The following PHACTR3 variants were observed in gnomAD, a reference collection of about 807,000 sequenced individuals.
PHACTR3 encodes phosphatase and actin regulator 3.
PHACTR3 carries 16 observed loss-of-function variants against 66.8 expected under a neutral mutation model. That is an observed-to-expected ratio of 0.24 (90% CI 0.16 to 0.36). The LOEUF is 0.36. Ranked by LOEUF, PHACTR3 falls within the 10% of genes least tolerant of loss-of-function variation. The probability of loss-of-function intolerance (pLI) is 1.00; values close to 1 mark genes in which losing one functional copy is unlikely to be tolerated. For missense variants in PHACTR3, 647 were observed against 719.9 expected, an observed-to-expected ratio of 0.90 and a Z score of 1.16; for synonymous variants, 323 against 292.1, an observed-to-expected ratio of 1.11 and a Z score of -1.08.
chr20:59,581,397 G>A (rs541259443), intron 1 of PHACTR3, among the ~76,000 whole-genome samples: 1 of 152,312 alleles, frequency 6.6e-6, no homozygotes, highest in African/African-American at 2.4e-5. Flanking sequence ...CCTCCCCACA[G>A]CCAGTGGCCC....
chr20:59,648,299 G>A (rs1043518012), intron 1 of PHACTR3, among the ~76,000 whole-genome samples: 2 of 150,068 alleles, frequency 1.3e-5, no homozygotes, highest in African/African-American at 4.9e-5. Flanking sequence ...TGAGGAAGGA[G>A]GTGAGTTTCT....
intron 7 of PHACTR3, among the ~76,000 whole-genome samples, chr20:59,783,060 G>T (rs1353825488): frequency 6.6e-6 from 1 of 152,144 alleles, no homozygotes; most frequent in South Asian, 2.1e-4. Context: ...GTACTGAAAG[G>T]CTTCGTGCAG....
chr20:59,753,642 A>G (rs946727262), intron 3 of PHACTR3, among the ~76,000 whole-genome samples: 3 of 152,182 alleles, frequency 2.0e-5, no homozygotes, highest in Non-Finnish European at 4.4e-5. Context: ...CACATTCCAT[A>G]CCCTAGCTCC....
chr20:59,602,623 C>G (rs371841053), upstream of PHACTR3, among the ~76,000 whole-genome samples: 41 of 152,212 alleles, frequency 2.7e-4, no homozygotes, highest in East Asian at 2.7e-3. Flanking sequence ...TCTCCTCCCC[C>G]CCACCTATAG....
intron 7 of PHACTR3, among the ~76,000 whole-genome samples, chr20:59,785,691 C>T (rs2040881086): frequency 6.6e-6 from 1 of 152,202 alleles, no homozygotes; most frequent in Non-Finnish European, 1.5e-5. Flanking sequence ...TGAGCACCTC[C>T]TGCATGCACT....
chr20:59,651,511 A>G (rs1164763611), intron 1 of PHACTR3, among the ~76,000 whole-genome samples: 1 of 152,244 alleles, frequency 6.6e-6, no homozygotes, highest in Non-Finnish European at 1.5e-5. Context: ...GCAAAATTAC[A>G]TAAATAGTCC....
intron 1 of PHACTR3, among the ~76,000 whole-genome samples, chr20:59,666,265 A>G (rs915147129): frequency 1.3e-5 from 2 of 152,190 alleles, no homozygotes; most frequent in Admixed American, 6.5e-5. Context: ...CCTGCGCCAC[A>G]TCTCCTGTTC....
intron 4 of PHACTR3, among the ~76,000 whole-genome samples, chr20:59,756,285 C>T (rs2039789324): frequency 6.6e-6 from 1 of 152,214 alleles, no homozygotes; most frequent in South Asian, 2.1e-4. Context: ...ATAAGCGAGT[C>T]TCACACGGTT....
At chr20:59,842,447 A>AGGAT (rs1464044267) in intron 11 of PHACTR3, among the ~76,000 whole-genome samples, 1 of 152,170 alleles carries the variant, frequency 6.6e-6, no homozygotes, top group African/African-American at 2.4e-5. Flanking sequence ...ATGTGCCCAG[A>AGGAT]GGATCACAGT....
At position 59,830,125 on chromosome 20, in the gene PHACTR3, A is replaced by G. The variant is rs1161495127; in HGVS notation, c.1329-6380A>G. Reference sequence around the variant, plus strand: ...CTGATGGGAGAAGAGGGGGTGTCTGATGAAAGAGGCTATGACAGACAGGAG... The same window carrying G: ...CTGATGGGAGAAGAGGGGGTGTCTGGTGAAAGAGGCTATGACAGACAGGAG... On this transcript the variant is annotated intron_variant, in intron 8 of 12. Coordinates refer to ENST00000371015, the MANE Select transcript of PHACTR3 (RefSeq NM_080672.5). This position sits in a 1 kb window ranked among gnomAD's most constrained non-coding sequence, Gnocchi z 5.8. 6.6e-6 allele frequency among the ~76,000 whole-genome samples: 1 copy of G among 151,612 alleles called. No homozygotes were observed. The highest frequency in any genetic ancestry group is 1.5e-5 in the Non-Finnish European group (1 of 68,028).
chr20:59,765,274 T>A (rs1033269037), intron 4 of PHACTR3, among the ~76,000 whole-genome samples: 1 of 152,202 alleles, frequency 6.6e-6, no homozygotes, highest in African/African-American at 2.4e-5. Flanking sequence ...AAACCCTTTT[T>A]AACAAGTAAC....
chr20:59,665,579 G>A (rs1279720715), intron 1 of PHACTR3, among the ~76,000 whole-genome samples: 1 of 152,114 alleles, frequency 6.6e-6, no homozygotes, highest in Admixed American at 6.5e-5. Context: ...AGATGGTAGG[G>A]GCAATGAGGT....
chr20:59,786,091 G>A (rs1406195554), intron 7 of PHACTR3, among the ~76,000 whole-genome samples: 1 of 152,202 alleles, frequency 6.6e-6, no homozygotes, highest in Non-Finnish European at 1.5e-5. Flanking sequence ...TCGGTGTTTT[G>A]CCAGCTCCCT....
At chr20:59,636,690 G>A (rs2034912224) in intron 1 of PHACTR3, among the ~76,000 whole-genome samples, 2 of 152,264 alleles carry the variant, frequency 1.3e-5, no homozygotes, top group South Asian at 2.1e-4. Flanking sequence ...AAATAGAAAT[G>A]GAGATGTGTA....
At chr20:59,670,604 GT>G (rs2036156352) in intron 1 of PHACTR3, among the ~76,000 whole-genome samples, 2 of 128,410 alleles carry the variant, frequency 1.6e-5, no homozygotes, top group African/African-American at 3.2e-5. Flanking sequence ...TCTGCCGGGG[GT>G]GGGGGGGGGG....
intron 1 of PHACTR3, among the ~76,000 whole-genome samples, chr20:59,631,122 G>A (rs2034644587): frequency 6.6e-6 from 1 of 152,188 alleles, no homozygotes; most frequent in South Asian, 2.1e-4. Flanking sequence ...TGGGAGAGAA[G>A]CCATGCTCAG....
At chr20:59,646,212 G>C (rs572946004) in intron 1 of PHACTR3, among the ~76,000 whole-genome samples, 1 of 152,194 alleles carries the variant, frequency 6.6e-6, no homozygotes, top group Non-Finnish European at 1.5e-5. Context: ...GGGAGCCCTG[G>C]GGCCCTGGGT....
At chr20:59,721,840 AACAG>A (rs1568745075) in intron 1 of PHACTR3, among the ~76,000 whole-genome samples, 3 of 152,192 alleles carry the variant, frequency 2.0e-5, no homozygotes, top group East Asian at 1.9e-4. Flanking sequence ...TGGTTGGACA[AACAG>A]ACAAAGTCCC....
intron 1 of PHACTR3, among the ~76,000 whole-genome samples, chr20:59,719,525 T>C (rs1283164599): frequency 6.6e-6 from 1 of 152,184 alleles, no homozygotes; most frequent in Non-Finnish European, 1.5e-5. Context: ...GAGTTTCAAA[T>C]TTGCCAGAAC....
Sources: gnomAD v4.1 joint callset for allele counts (sites outside exome capture counted in the v4.1 genomes callset) on GRCh38, gnomAD v4.1.1 for gene constraint, Gnocchi (gnomAD v3.1) non-coding constraint, MANE v1.5 for transcripts, NCBI Gene and HGNC (gene_info 2026-07-23, HGNC 2026-07-21) for gene names.